Variants in EPC2 observed in about 807,000 individuals in gnomAD.
EPC2 encodes the protein enhancer of polycomb 2.
Under a neutral mutation model 92.1 loss-of-function variants are expected in EPC2, and 14 were observed. That is an observed-to-expected ratio of 0.15 (90% confidence interval 0.10 to 0.24). EPC2 has a LOEUF of 0.24. EPC2 is among the 10% of genes least tolerant of loss of function. The pLI is 1.00. For missense variants in EPC2, 755 were observed against 971.5 expected (o/e 0.78, Z 2.96); for synonymous variants, 340 against 334.7 (o/e 1.02, Z -0.17).
At chr2:148,702,482 C>T (rs777185204) in intron 2 of EPC2, among the ~76,000 whole-genome samples, 1 of 152,182 alleles carries the variant, frequency 6.6e-6, no homozygotes, top group Non-Finnish European at 1.5e-5. Context: ...GCTTCCCCAG[C>T]TCTGAGGGCT....
intron 13 of EPC2, among the ~76,000 whole-genome samples, chr2:148,785,508 A>G (rs1218569885): frequency 2.0e-5 from 3 of 152,112 alleles, no homozygotes; most frequent in African/African-American, 7.2e-5. Context: ...TTGTATTTTT[A>G]GTAGAGACGG....
chr2:148,771,971 G>A (rs1321675179), intron 10 of EPC2, among the ~76,000 whole-genome samples: 1 of 151,850 alleles, frequency 6.6e-6, no homozygotes, highest in Admixed American at 6.6e-5. Context: ...GCTAATTTTT[G>A]TATTTTTAGT....
chr2:148,680,507 T>C (rs556614646), intron 1 of EPC2, among the ~76,000 whole-genome samples: 3 of 152,372 alleles, frequency 2.0e-5, no homozygotes, highest in African/African-American at 7.2e-5. Flanking sequence ...TTTACTCTAG[T>C]GCACTTCTAT....
chr2:148,711,506 T>G (rs1682142495), intron 2 of EPC2, among the ~76,000 whole-genome samples: 1 of 152,168 alleles, frequency 6.6e-6, no homozygotes, highest in African/African-American at 2.4e-5. Context: ...CAGAATGTGG[T>G]CTTTTTGATG....
intron 4 of EPC2, among the ~76,000 whole-genome samples, chr2:148,758,487 C>A (rs1683235784): frequency 6.6e-6 from 1 of 152,108 alleles, no homozygotes; most frequent in African/African-American, 2.4e-5. Context: ...CCTCTGCCTC[C>A]TGGGTTCAAG....
chr2:148,682,504 G>A (rs558228851), intron 1 of EPC2, among the ~76,000 whole-genome samples: 40 of 152,138 alleles, frequency 2.6e-4, no homozygotes, highest in Non-Finnish European at 5.6e-4. Context: ...CCCTTGTTCA[G>A]TTTTAAAACT....
chr2:148,691,615 TG>T, intron 2 of EPC2: 1 of 1,550,434 alleles, frequency 6.4e-7, no homozygotes, highest in Non-Finnish European at 8.7e-7. Context: ...CATTTGTTTC[TG>T]CCAGGCATTT....
chr2:148,649,006 A>G (rs1252996859), intron 1 of EPC2, among the ~76,000 whole-genome samples: 2 of 152,144 alleles, frequency 1.3e-5, no homozygotes, highest in African/African-American at 4.8e-5. Flanking sequence ...AGTACTGTAC[A>G]CTTATGTTTA....
At chr2:148,755,232 T>C (rs1389892299) in intron 4 of EPC2, among the ~76,000 whole-genome samples, 1 of 152,208 alleles carries the variant, frequency 6.6e-6, no homozygotes, top group African/African-American at 2.4e-5. Context: ...TAATTTGGCA[T>C]TCTGGTTCTT....
At chr2:148,764,729 A>G (rs187618646) in intron 6 of EPC2, among the ~76,000 whole-genome samples, 2 of 152,314 alleles carry the variant, frequency 1.3e-5, no homozygotes, top group African/African-American at 2.4e-5. Flanking sequence ...AAGTAGTGAT[A>G]ATAATGTAAA....
intron 2 of EPC2, among the ~76,000 whole-genome samples, chr2:148,699,420 A>G (rs1368040572): frequency 6.6e-6 from 1 of 152,030 alleles, no homozygotes; most frequent in Non-Finnish European, 1.5e-5. Context: ...CACTCTAAAA[A>G]CTCCCTGAAC....
chr2:148,714,892 G>A lies in EPC2; in HGVS notation c.313+24519G>A, dbSNP rs1682225453. On this transcript the variant is annotated intron_variant, in intron 2 of 13. Coordinates refer to ENST00000258484, the MANE Select transcript of EPC2 (RefSeq NM_015630.4). Reference sequence around the variant, plus strand: ...CTCTGATGAGAGTTTCTTTTGCTGTGCATAAGCTCTTTAGTTTAATTAGAT... The same window carrying A: ...CTCTGATGAGAGTTTCTTTTGCTGTACATAAGCTCTTTAGTTTAATTAGAT... Among the ~76,000 whole-genome samples, 3 of 152,100 alleles carry A rather than the reference G, an allele frequency of 2.0e-5. No homozygotes were observed. In the South Asian group the frequency reaches 6.2e-4, roughly 32 times the overall value.
chr2:148,672,554 A>G (rs1334090990), intron 1 of EPC2, among the ~76,000 whole-genome samples: 1 of 152,212 alleles, frequency 6.6e-6, no homozygotes, highest in African/African-American at 2.4e-5. Flanking sequence ...TACAGTGGCA[A>G]CAGTCTAAAA....
At chr2:148,677,694 T>C (rs189561548) in intron 1 of EPC2, among the ~76,000 whole-genome samples, 149 of 152,262 alleles carry the variant, frequency 9.8e-4, no homozygotes, top group African/African-American at 3.5e-3. Flanking sequence ...GTTTGTTCCT[T>C]CTGATGTTCA....
chr2:148,680,619 G>C (rs1469502298), intron 1 of EPC2, among the ~76,000 whole-genome samples: 2 of 152,132 alleles, frequency 1.3e-5, no homozygotes, highest in South Asian at 2.1e-4. Flanking sequence ...GAGCCAACTT[G>C]GTCACTATAA....
At chr2:148,766,989 GC>G (rs1460321777) in intron 7 of EPC2, among the ~76,000 whole-genome samples, 1 of 152,100 alleles carries the variant, frequency 6.6e-6, no homozygotes, top group Non-Finnish European at 1.5e-5. Context: ...TTGGAGACCA[GC>G]CTGGGCAACA....
chr2:148,662,839 A>C (rs1381317116), intron 1 of EPC2, among the ~76,000 whole-genome samples: 1 of 151,518 alleles, frequency 6.6e-6, no homozygotes, highest in Admixed American at 6.6e-5. Flanking sequence ...TTTTTTAAAA[A>C]CTCTTTAGTT....
intron 2 of EPC2, among the ~76,000 whole-genome samples, chr2:148,710,178 A>G (rs1682106270): frequency 6.6e-6 from 1 of 152,236 alleles, no homozygotes; most frequent in South Asian, 2.1e-4. Context: ...ACCATCAAAA[A>G]GTGGGCAAAG....
intron 2 of EPC2, among the ~76,000 whole-genome samples, chr2:148,731,330 T>C (rs2105397906): frequency 6.6e-6 from 1 of 152,296 alleles, no homozygotes; most frequent in Non-Finnish European, 1.5e-5. Context: ...AAGGTGTGCT[T>C]GTGTTTCTGT....
Sources: gnomAD v4.1 joint callset for allele counts (sites outside exome capture counted in the v4.1 genomes callset) on GRCh38, gnomAD v4.1.1 for gene constraint, MANE v1.5 for transcripts, NCBI Gene and HGNC (gene_info 2026-07-23, HGNC 2026-07-21) for gene names.